Variants in AMMECR1 observed in about 807,000 individuals in gnomAD.
The protein encoded by AMMECR1 is AMMECR nuclear protein 1.
AMMECR1 carries 3 observed loss-of-function variants against 22.5 expected under a neutral mutation model. The ratio of observed to expected loss-of-function variants is 0.13; its 90% CI spans 0.06 to 0.35. The LOEUF (loss-of-function observed/expected upper bound fraction) is 0.35, where lower values mean the gene tolerates loss of function less well. Among genes scored for constraint, AMMECR1 ranks in the 10% least tolerant of loss-of-function variants. AMMECR1 has a pLI of 1.00. For synonymous variants in AMMECR1, 130 were observed against 116.7 expected (o/e 1.11, Z -0.74); for missense variants, 235 against 278.7 (o/e 0.84, Z 1.12).
chrX:110,304,315 A>G (rs1161586207), intron 1 of AMMECR1, among the ~76,000 whole-genome samples: 1 of 112,233 alleles, frequency 8.9e-6, no homozygotes, highest in East Asian at 2.8e-4. Context: ...AAATTATCTC[A>G]GTTAAATTTG....
At position 110,291,861 on chromosome X, in the gene AMMECR1, T is replaced by C. The variant is rs1441304710; in HGVS notation, c.473+25738A>G. Among the ~76,000 whole-genome samples the C allele has an allele frequency of 4.5e-5, 5 of 111,758 alleles. No individual in the cohort carries two copies. The East Asian group carries it at 1.4e-3, about 31-fold the overall frequency. ...ATAAAAGCAATGTAAATGCCAGCAGTGGCCCCGAATACACAGACTTTATTT... is the reference window on the plus strand; with the variant it reads ...ATAAAAGCAATGTAAATGCCAGCAGCGGCCCCGAATACACAGACTTTATTT... On this transcript the variant is annotated intron_variant, in intron 1 of 5. Transcript: ENST00000262844.
intron 2 of AMMECR1, among the ~76,000 whole-genome samples, chrX:110,354,364 T>C (rs941219055): frequency 5.3e-5 from 6 of 112,279 alleles, no homozygotes; most frequent in African/African-American, 1.6e-4. Context: ...GTACATACTT[T>C]TTTCTTGTTA....
intron 2 of AMMECR1, among the ~76,000 whole-genome samples, chrX:110,345,424 A>G (rs1479620512): frequency 9.0e-6 from 1 of 110,601 alleles, no homozygotes; most frequent in Non-Finnish European, 1.9e-5. Context: ...CAGCACACCA[A>G]CATGGCACAT....
At chrX:110,255,144 TGTATA>T (rs1412336597) in intron 2 of AMMECR1, among the ~76,000 whole-genome samples, 1 of 112,623 alleles carries the variant, frequency 8.9e-6, no homozygotes, top group Non-Finnish European at 1.9e-5. Context: ...AAAGGGTTTG[TGTATA>T]TCACATTTTA....
intron 2 of AMMECR1, among the ~76,000 whole-genome samples, chrX:110,237,192 G>C (rs2067606070): frequency 9.0e-6 from 1 of 111,455 alleles, no homozygotes; most frequent in Admixed American, 9.6e-5. Context: ...ATGAATCACA[G>C]GACATCAAGG....
rs2067375642 is a variant in AMMECR1, at chrX:110,197,318, C to A, written c.*1202G>T. ...TAAAACTCTAATATTGTCCCCATGA[C>A]AAACATATCTGAAATCATGGCAAAT... On this transcript the variant is annotated 3_prime_UTR_variant, in exon 6 of 6. Transcript: ENST00000262844. 1 of 112,310 alleles carries A rather than the reference C, an allele frequency of 8.9e-6. No homozygotes were observed. Among genetic ancestry groups the A allele is most frequent in the Non-Finnish European group, 1.9e-5 (1 of 53,151 alleles). 9.3% of individuals were successfully genotyped at this position (112,310 alleles called of 1,213,427 possible). A position where few individuals can be genotyped will look rare whatever the true frequency, so the allele number is the denominator to read the frequency against.
chrX:110,209,534 C>A (rs1243464965), intron 3 of AMMECR1, among the ~76,000 whole-genome samples: 1 of 112,005 alleles, frequency 8.9e-6, no homozygotes, highest in Non-Finnish European at 1.9e-5. Context: ...CTAGAAGGTA[C>A]AACTTAAAAA....
intron 2 of AMMECR1, among the ~76,000 whole-genome samples, chrX:110,330,856 C>G (rs181934512): frequency 8.9e-6 from 1 of 111,732 alleles, no homozygotes; most frequent in East Asian, 2.8e-4. Flanking sequence ...TTTATGTTTA[C>G]TGCTAGCCTA....
At chrX:110,386,422 A>C (rs192378714) in intron 2 of AMMECR1, among the ~76,000 whole-genome samples, 1 of 109,954 alleles carries the variant, frequency 9.1e-6, no homozygotes, top group East Asian at 2.8e-4. Flanking sequence ...TTTGATTTGC[A>C]TTTCTCTGAT....
Position 110,429,478 on chromosome X carries a change from T to G in AMMECR1, c.-293-2675A>C, listed in dbSNP as rs1365973387. Among the ~76,000 whole-genome samples the G allele has an allele frequency of 5.6e-3, 515 of 92,470 alleles. 12 individuals are homozygous for G. The highest frequency in any genetic ancestry group is 0.021 in the African/African-American group (498 of 23,853). The allele number at this position is 92,470 out of a possible 115,157, so 80.3% of individuals were successfully genotyped here. On this transcript the variant is annotated intron_variant, in intron 1 of 7. Transcript: ENST00000372057. The stretch of plus-strand genomic sequence containing the variant: ...AAAGTGTTTTTTTTTTTTTTTGTTT[T>G]GTTTTTTTGGTTTTTTTGTTTTTAC...
intron 1 of AMMECR1, among the ~76,000 whole-genome samples, chrX:110,306,421 T>A (rs1379127550): frequency 8.9e-6 from 1 of 112,534 alleles, no homozygotes; most frequent in Non-Finnish European, 1.9e-5. Context: ...TAGGCTCTCT[T>A]GTAAAAAGGA....
intron 3 of AMMECR1, among the ~76,000 whole-genome samples, chrX:110,202,864 C>G (rs79312179): frequency 1.8e-5 from 2 of 111,296 alleles, no homozygotes; most frequent in African/African-American, 6.5e-5. Flanking sequence ...TAGCTCATGC[C>G]AATAAAGAAC....
chrX:110,267,488 C>T (rs1313029338), intron 1 of AMMECR1, among the ~76,000 whole-genome samples: 2 of 111,230 alleles, frequency 1.8e-5, no homozygotes, highest in African/African-American at 6.6e-5. Flanking sequence ...AATCCTCTCC[C>T]GTAACAATGG....
At chrX:110,350,369 C>T (rs1210153088) in intron 2 of AMMECR1, among the ~76,000 whole-genome samples, 2 of 111,670 alleles carry the variant, frequency 1.8e-5, no homozygotes, top group Non-Finnish European at 3.8e-5. Context: ...GACTAAAACT[C>T]TTCTGCTAAG....
intron 2 of AMMECR1, among the ~76,000 whole-genome samples, chrX:110,329,546 G>A (rs1323685050): frequency 1.8e-5 from 2 of 112,405 alleles, no homozygotes; most frequent in Non-Finnish European, 3.8e-5. Flanking sequence ...TTGTTTAACA[G>A]CTGATCCTGG....
At chrX:110,363,805 G>A (rs1262634357) in intron 2 of AMMECR1, among the ~76,000 whole-genome samples, 1 of 111,117 alleles carries the variant, frequency 9.0e-6, no homozygotes, top group Non-Finnish European at 1.9e-5. Flanking sequence ...CATATAACAA[G>A]TGCCTACAGA....
chrX:110,382,013 T>C (rs750127894), intron 2 of AMMECR1, among the ~76,000 whole-genome samples: 1 of 111,112 alleles, frequency 9.0e-6, no homozygotes, highest in African/African-American at 3.3e-5. Flanking sequence ...AAATAAAAAT[T>C]AAAAAAAATT....
chrX:110,433,320 T>C (rs937431109), intron 1 of AMMECR1, among the ~76,000 whole-genome samples: 1 of 112,153 alleles, frequency 8.9e-6, no homozygotes, highest in African/African-American at 3.2e-5. Flanking sequence ...AACTCTTAGA[T>C]ACCAAGTCCA....
chrX:110,212,643 G>A (rs927486761), intron 3 of AMMECR1, among the ~76,000 whole-genome samples: 8 of 112,093 alleles, frequency 7.1e-5, no homozygotes, highest in Non-Finnish European at 1.5e-4. Context: ...TACTTATGGT[G>A]AATAGGATAT....
Sources: gnomAD v4.1 joint callset for allele counts (sites outside exome capture counted in the v4.1 genomes callset) on GRCh38, gnomAD v4.1.1 for gene constraint, MANE v1.5 for transcripts, NCBI Gene and HGNC (gene_info 2026-07-23, HGNC 2026-07-21) for gene names.